The following TUSC3 variants were observed in gnomAD, a reference collection of about 807,000 sequenced individuals.
The protein encoded by TUSC3 is dolichyl-diphosphooligosaccharide--protein glycosyltransferase subunit TUSC3.
TUSC3 carries 45 observed loss-of-function variants against 44.8 expected under a neutral mutation model. The observed-to-expected ratio is 1.00, with a 90% CI of 0.79 to 1.29. The LOEUF is 1.29. Among genes scored for constraint, TUSC3 ranks in the 50% most tolerant of loss-of-function variants. The pLI is 0.00. For missense variants in TUSC3, 519 were observed against 437.9 expected (o/e 1.19, Z -1.65); for synonymous variants, 212 against 152.9 (o/e 1.39, Z -2.85).
intron 6 of TUSC3, among the ~76,000 whole-genome samples, chr8:15,674,558 A>G (rs531323938): frequency 6.6e-6 from 1 of 152,070 alleles, no homozygotes; most frequent in South Asian, 2.1e-4. Flanking sequence ...ACCCATCACT[A>G]GACTTTTTCA....
intron 2 of TUSC3, among the ~76,000 whole-genome samples, chr8:15,646,136 G>T (rs1051623408): frequency 6.6e-6 from 1 of 152,110 alleles, no homozygotes; most frequent in East Asian, 1.9e-4. Context: ...CCATCAGCAA[G>T]CATTGTAAGT....
chr8:15,729,811 A>G (rs888922855), intron 6 of TUSC3, among the ~76,000 whole-genome samples: 1 of 152,028 alleles, frequency 6.6e-6, no homozygotes, highest in Non-Finnish European at 1.5e-5. Context: ...TTCCGGCGAC[A>G]TGCAATTTCC....
At chr8:15,630,823 C>G (rs1162254243) in intron 2 of TUSC3, among the ~76,000 whole-genome samples, 1 of 152,112 alleles carries the variant, frequency 6.6e-6, no homozygotes, top group Admixed American at 6.5e-5. Context: ...ATACAGCTGG[C>G]TAAAATCACG....
intron 6 of TUSC3, among the ~76,000 whole-genome samples, chr8:15,692,375 G>GTTTGT (rs1808948689): frequency 1.5e-5 from 1 of 68,338 alleles, no homozygotes; most frequent in Non-Finnish European, 2.6e-5. Context: ...CCCCCCCTTT[G>GTTTGT]TTTTTTTTTT....
the TUSC3 span, among the ~76,000 whole-genome samples, chr8:15,840,280 G>A: frequency 6.6e-6 from 1 of 152,124 alleles, no homozygotes; most frequent in Non-Finnish European, 1.5e-5. Flanking sequence ...TAATGTAAGT[G>A]ATGAGTTAAT....
chr8:15,827,561 T>C, the TUSC3 span, among the ~76,000 whole-genome samples: 4 of 152,288 alleles, frequency 2.6e-5, no homozygotes, highest in Non-Finnish European at 4.4e-5. Flanking sequence ...TCTAAGATGA[T>C]AGGCTTTCAC....
intron 6 of TUSC3, among the ~76,000 whole-genome samples, chr8:15,675,646 C>G (rs1193187784): frequency 1.3e-5 from 2 of 151,998 alleles, no homozygotes; most frequent in African/African-American, 2.4e-5. Flanking sequence ...ATCTTTGTGT[C>G]CATGTTTATC....
intron 7 of TUSC3, among the ~76,000 whole-genome samples, chr8:15,733,821 C>G (rs1481531603): frequency 6.6e-6 from 1 of 152,132 alleles, no homozygotes; most frequent in East Asian, 1.9e-4. Context: ...ACAGGCTGAT[C>G]ATTTTAGTTG....
intron 1 of TUSC3, among the ~76,000 whole-genome samples, chr8:15,554,148 T>C (rs1197541534): frequency 1.4e-5 from 1 of 71,776 alleles, no homozygotes; most frequent in African/African-American, 4.1e-5. Flanking sequence ...ATTTTTGATT[T>C]TGTCATCTCT....
intron 1 of TUSC3, among the ~76,000 whole-genome samples, chr8:15,566,610 TTGTTG>T (rs1802684406): frequency 5.2e-5 from 5 of 96,860 alleles, no homozygotes; most frequent in African/African-American, 1.7e-4. Context: ...CATTTTTTTG[TTGTTG>T]TTGTTGTTGT....
At chr8:15,698,466 G>T (rs980389181) in intron 6 of TUSC3, among the ~76,000 whole-genome samples, 22 of 152,090 alleles carry the variant, frequency 1.4e-4, no homozygotes, top group African/African-American at 5.3e-4. Flanking sequence ...ATAATTTTAG[G>T]TTCAAAGTAT....
chr8:15,698,384 G>A (rs1300774183), intron 6 of TUSC3, among the ~76,000 whole-genome samples: 2 of 152,166 alleles, frequency 1.3e-5, no homozygotes, highest in Non-Finnish European at 2.9e-5. Context: ...AAACAATTAT[G>A]AAATAAGTAT....
Position 15,457,099 on chromosome 8 carries a change from T to C in TUSC3, n.92-26287T>C, listed in dbSNP as rs529504925. Reference sequence around the variant, plus strand: ...ACCAAACACTGCGTGTTCTCACTCATAGGTGGGAATTGAACAATGAGAACA... The same window carrying C: ...ACCAAACACTGCGTGTTCTCACTCACAGGTGGGAATTGAACAATGAGAACA... On this transcript the variant is annotated intron_variant and non_coding_transcript_variant, in intron 1 of 5. Coordinates refer to the TUSC3 transcript ENST00000503191. Among the ~76,000 whole-genome samples, 157 of 140,962 alleles carry C rather than the reference T, an allele frequency of 1.1e-3. 1 individual carries two copies. The highest frequency in any genetic ancestry group is 4.1e-3 in the African/African-American group (154 of 38,002). The allele number at this position is 140,962 out of a possible 152,430, so 92.5% of individuals were successfully genotyped here. A position where few individuals can be genotyped will look rare whatever the true frequency, so the allele number is the denominator to read the frequency against.
downstream of TUSC3, among the ~76,000 whole-genome samples, chr8:15,768,157 CT>C (rs61660683): frequency 0.62 from 92,910 of 150,978 alleles, 29,479 homozygotes; most frequent in African/African-American, 0.76. Flanking sequence ...TTCTTTTTAT[CT>C]TTTTTTTTTC....
intron 1 of TUSC3, among the ~76,000 whole-genome samples, chr8:15,472,635 T>C (rs1303599903): frequency 2.0e-5 from 3 of 152,148 alleles, no homozygotes; most frequent in Non-Finnish European, 4.4e-5. Flanking sequence ...CATTTCACTA[T>C]GTTGAGGATG....
chr8:15,547,245 A>G (rs1801901298), intron 1 of TUSC3, among the ~76,000 whole-genome samples: 1 of 151,576 alleles, frequency 6.6e-6, no homozygotes, highest in Admixed American at 6.6e-5. Flanking sequence ...TTTAATGGAA[A>G]TATTTGTGAT....
chr8:15,631,585 A>C (rs1283609994), intron 2 of TUSC3, among the ~76,000 whole-genome samples: 3 of 152,122 alleles, frequency 2.0e-5, no homozygotes. Context: ...GTCAAATATT[A>C]GCAAAAAACT....
At chr8:15,570,720 A>C (rs1298709988) in intron 1 of TUSC3, among the ~76,000 whole-genome samples, 1 of 151,954 alleles carries the variant, frequency 6.6e-6, no homozygotes, top group African/African-American at 2.4e-5. Context: ...ATTTGCCTGG[A>C]ATCATGCAAC....
chr8:15,730,851 T>A, intron 7 of TUSC3, 122 bp downstream of exon 7: 1 of 859,122 alleles, frequency 1.2e-6, no homozygotes, highest in Non-Finnish European at 1.8e-6. Flanking sequence ...TAGGCTGTAC[T>A]ATATGACTAA....
Sources: gnomAD v4.1 joint callset for allele counts (sites outside exome capture counted in the v4.1 genomes callset) on GRCh38, gnomAD v4.1.1 for gene constraint, MANE v1.5 for transcripts, NCBI Gene and HGNC (gene_info 2026-07-23, HGNC 2026-07-21) for gene names.